ARMC3: variants seen among roughly 807,000 people sequenced by gnomAD.
The protein encoded by ARMC3 is armadillo repeat-containing protein 3.
In ARMC3, 74 loss-of-function variants were observed where a neutral mutation model predicts 90.3. The ratio of observed to expected loss-of-function variants is 0.82; its 90% confidence interval spans 0.68 to 0.99. The LOEUF (loss-of-function observed/expected upper bound fraction) is 0.99, where lower values mean the gene tolerates loss of function less well. Among genes scored for constraint, ARMC3 ranks in the 50% least tolerant of loss-of-function variants. The probability of loss-of-function intolerance (pLI) is 0.00; values close to 1 mark genes in which losing one functional copy is unlikely to be tolerated. For synonymous variants in ARMC3, 334 were observed against 361.8 expected, an observed-to-expected ratio of 0.92 and a Z score of 0.87; for missense variants, 958 against 1,042.8, an observed-to-expected ratio of 0.92 and a Z score of 1.12.
intron 7 of ARMC3, among the ~76,000 whole-genome samples, chr10:22,963,170 C>T (rs1053320754): frequency 6.6e-6 from 1 of 151,990 alleles, no homozygotes; most frequent in Non-Finnish European, 1.5e-5. Flanking sequence ...AGGTGGCAGG[C>T]ATTGTGATTT....
intron 8 of ARMC3, among the ~76,000 whole-genome samples, chr10:22,980,338 C>A (rs559370596): frequency 1.3e-5 from 2 of 152,134 alleles, no homozygotes; most frequent in African/African-American, 4.8e-5. Context: ...AATAAATAAT[C>A]TATGACAATT....
chr10:23,036,919 C>T (rs1033913010), intron 18 of ARMC3, among the ~76,000 whole-genome samples: 5 of 152,202 alleles, frequency 3.3e-5, no homozygotes, highest in Admixed American at 3.3e-4. Context: ...CATTTCACAG[C>T]CAGGGAGAGC....
intron 9 of ARMC3, 38 bp downstream of exon 9, chr10:22,981,530 G>A: frequency 6.2e-7 from 1 of 1,613,234 alleles, no homozygotes; most frequent in Non-Finnish European, 8.5e-7. Flanking sequence ...AGCATTTTTA[G>A]GTTACCGTAT....
chr10:22,976,365 T>C (rs1028109904), intron 8 of ARMC3, among the ~76,000 whole-genome samples: 1 of 152,226 alleles, frequency 6.6e-6, no homozygotes, highest in Non-Finnish European at 1.5e-5. Context: ...AAAATAGTCC[T>C]TGTACAATTT....
Position 23,008,385 on chromosome 10 carries a change from G to C in ARMC3, c.1928+11G>C, listed in dbSNP as rs753126545. On this transcript the variant is annotated intron_variant, in intron 15 of 18. Transcript: ENST00000298032. ...TAAAGAAAAGAACAAGTAAGAAAAT[G>C]ATGTTTTATCTGTATGCAAACAGCT... 1 of 1,357,950 alleles carries C rather than the reference G, an allele frequency of 7.4e-7. No homozygotes were observed. Among genetic ancestry groups the C allele is most frequent in the Non-Finnish European group, 1.0e-6 (1 of 980,238 alleles). The allele number at this position is 1,357,950 out of a possible 1,614,324, so 84.1% of individuals were successfully genotyped here.
In ARMC3 at chr10:22,955,772, A is replaced by G. The variant is rs1297517344; in HGVS notation, c.167-35A>G. 7 of 1,611,486 alleles carry G rather than the reference A, an allele frequency of 4.3e-6. No individual in the cohort carries two copies. The African/African-American group carries it at 6.7e-5, about 15-fold the overall frequency. ...GCAGAATGCTGATGAGATCGATAATATCCATGTGTGGTTTTGTTTTACGTG... is the reference window on the plus strand; with the variant it reads ...GCAGAATGCTGATGAGATCGATAATGTCCATGTGTGGTTTTGTTTTACGTG... On this transcript the variant is annotated intron_variant, in intron 3 of 18. Transcript: ENST00000298032.
chr10:23,018,264 G>C (rs1838361802), intron 16 of ARMC3, among the ~76,000 whole-genome samples: 1 of 152,178 alleles, frequency 6.6e-6, no homozygotes, highest in Non-Finnish European at 1.5e-5. Context: ...CAGGGAAGCA[G>C]GTCTGTGGTC....
chr10:22,936,589 T>G (rs1834121836), intron 2 of ARMC3, among the ~76,000 whole-genome samples: 1 of 152,234 alleles, frequency 6.6e-6, no homozygotes, highest in African/African-American at 2.4e-5. Context: ...TCATTTATTT[T>G]GCACAGAGCA....
chr10:22,960,673 G>T (rs1835151526), intron 6 of ARMC3: 1 of 152,272 alleles, frequency 6.6e-6, no homozygotes, highest in East Asian at 1.9e-4. Flanking sequence ...CTTAACAGCA[G>T]TACTGGCTAA....
chr10:22,952,813 A>G (rs1161838829), intron 3 of ARMC3, among the ~76,000 whole-genome samples: 2 of 152,252 alleles, frequency 1.3e-5, no homozygotes, highest in African/African-American at 4.8e-5. Context: ...AATGTATAAA[A>G]AAAGCAAACA....
At chr10:22,980,360 C>A (rs1173471487) in intron 8 of ARMC3, among the ~76,000 whole-genome samples, 6 of 151,922 alleles carry the variant, frequency 3.9e-5, no homozygotes, top group Non-Finnish European at 8.8e-5. Flanking sequence ...TTTGAAGGAA[C>A]CAAATTATTT....
intron 10 of ARMC3, among the ~76,000 whole-genome samples, chr10:22,992,830 AG>A (rs1256767412): frequency 6.6e-6 from 1 of 152,240 alleles, no homozygotes; most frequent in Non-Finnish European, 1.5e-5. Context: ...TGTGATAACC[AG>A]GAGACCTGTT....
intron 7 of ARMC3, 30 bp downstream of exon 7, chr10:22,962,108 T>A (rs1311726300): frequency 1.4e-6 from 2 of 1,433,188 alleles, no homozygotes; most frequent in Non-Finnish European, 1.9e-6. Context: ...CCACCCTCTA[T>A]GAGGAAATGT....
chr10:22,931,222 G>A (rs974850427), intron 1 of ARMC3, among the ~76,000 whole-genome samples: 3 of 152,016 alleles, frequency 2.0e-5, no homozygotes, highest in South Asian at 2.1e-4. Context: ...CCACCTGCCC[G>A]GCCTGAAAAG....
In ARMC3 at chr10:23,030,550, G is replaced by A. The variant is rs533803739; in HGVS notation, c.2046-46G>A. 106 of 1,567,522 alleles carry A rather than the reference G, an allele frequency of 6.8e-5. No homozygotes were observed. In the South Asian group the frequency reaches 8.5e-4, roughly 13 times the overall value. On this transcript the variant is annotated intron_variant, in intron 16 of 18. Transcript: ENST00000298032. ...GAAATGCAAGAGCAATTGTTTGTTT[G>A]TTTAGCAGAAGATGTGATTTTGATT...
At chr10:22,975,249 C>G (rs970390182) in intron 8 of ARMC3, among the ~76,000 whole-genome samples, 1 of 152,112 alleles carries the variant, frequency 6.6e-6, no homozygotes, top group Non-Finnish European at 1.5e-5. Context: ...CATAACATTT[C>G]TCCTTAAATA....
intron 1 of ARMC3, among the ~76,000 whole-genome samples, chr10:22,929,290 GAGAGAA>G (rs1564332082): frequency 3.4e-5 from 5 of 147,982 alleles, no homozygotes; most frequent in African/African-American, 5.1e-5. Flanking sequence ...GAGAAAGAGA[GAGAGAA>G]AGAGAAAGAA....
At chr10:23,036,641 G>A (rs1477562491) in intron 18 of ARMC3, among the ~76,000 whole-genome samples, 1 of 152,194 alleles carries the variant, frequency 6.6e-6, no homozygotes, top group East Asian at 1.9e-4. Context: ...ACCCAGGCAG[G>A]CTAAGCCAGC....
At chr10:22,941,848 A>G (rs1191897326) in intron 2 of ARMC3, among the ~76,000 whole-genome samples, 1 of 152,218 alleles carries the variant, frequency 6.6e-6, no homozygotes, top group Non-Finnish European at 1.5e-5. Context: ...TTGAGAAGGA[A>G]AAATCAAGTT....
Sources: allele counts gnomAD v4.1 joint callset (sites outside exome capture counted in the v4.1 genomes callset), GRCh38; gene constraint gnomAD v4.1.1; transcripts MANE v1.5; gene names NCBI Gene and HGNC (gene_info 2026-07-23, HGNC 2026-07-21).